The following UPF1 variants were observed in gnomAD, a reference collection of about 807,000 sequenced individuals.
UPF1 encodes regulator of nonsense transcripts 1.
UPF1 carries 9 observed loss-of-function variants against 129.2 expected under a neutral mutation model. That is an observed-to-expected ratio of 0.07 (90% CI 0.04 to 0.12). The LOEUF (loss-of-function observed/expected upper bound fraction) is 0.12, where lower values mean the gene tolerates loss of function less well. Among genes scored for constraint, UPF1 ranks in the 10% least tolerant of loss-of-function variants. The pLI is 1.00. For synonymous variants in UPF1, 649 were observed against 644.9 expected (o/e 1.01, Z -0.10); for missense variants, 788 against 1,525.3 (o/e 0.52, Z 8.05).
In UPF1 at chr19:18,851,065, C is replaced by A; in HGVS notation, c.810+197C>A. On this transcript the variant is annotated intron_variant, in intron 5 of 23. Transcript: ENST00000262803. This position sits in a 1 kb window ranked among gnomAD's most constrained non-coding sequence, Gnocchi z 4.2. ...TTCCATCCAGGCAGCCTTACCTGAC[C>A]GAGAAGATCCTGGCCTTGGGGAAAG... 3 of 542,594 alleles carry A rather than the reference C, an allele frequency of 5.5e-6. No individual in the cohort carries two copies. Among genetic ancestry groups the A allele is most frequent in the Non-Finnish European group, 9.0e-6 (3 of 333,542 alleles). 33.6% of individuals were successfully genotyped at this position (542,594 alleles called of 1,614,324 possible). A position where few individuals can be genotyped will look rare whatever the true frequency, so the allele number is the denominator to read the frequency against.
intron 18 of UPF1, 26 bp downstream of exon 18, chr19:18,862,178 G>C (rs755514229): frequency 6.2e-7 from 1 of 1,608,860 alleles, no homozygotes; most frequent in African/African-American, 1.3e-5. Flanking sequence ...GCTGCATGCT[G>C]CCCAGCCGCT....
At chr19:18,834,398 A>G (rs944746092) in intron 1 of UPF1, among the ~76,000 whole-genome samples, 1 of 152,176 alleles carries the variant, frequency 6.6e-6, no homozygotes, top group Admixed American at 6.6e-5. Flanking sequence ...TGTTTCTGGC[A>G]TTCCGTTTGG....
intron 1 of UPF1, among the ~76,000 whole-genome samples, chr19:18,835,549 G>T (rs571944400): frequency 6.6e-6 from 1 of 152,286 alleles, no homozygotes; most frequent in Non-Finnish European, 1.5e-5. Flanking sequence ...CACCATGTTG[G>T]CCAGATGGTC....
intron 2 of UPF1, among the ~76,000 whole-genome samples, chr19:18,847,252 G>A (rs1601105814): frequency 6.6e-6 from 1 of 152,204 alleles, no homozygotes; most frequent in African/African-American, 2.4e-5. Flanking sequence ...TTTGGTATGT[G>A]GATTTTCAGA....
intron 6 of UPF1, 94 bp downstream of exon 6, chr19:18,852,390 G>C: frequency 6.5e-7 from 1 of 1,546,822 alleles, no homozygotes; most frequent in Non-Finnish European, 8.7e-7. Flanking sequence ...TCCAGGCTGT[G>C]GGAGCTGATG....
intron 1 of UPF1, among the ~76,000 whole-genome samples, chr19:18,845,586 G>A: frequency 6.6e-6 from 1 of 152,160 alleles, no homozygotes; most frequent in East Asian, 1.9e-4. Context: ...CGTAGTGTTT[G>A]ATGAGCCTTA....
rs748049113 is a variant in UPF1, at chr19:18,846,111, C to T, written c.363C>T (p.His121=). Residue 121 remains histidine, a synonymous_variant, in exon 2 of 24, where the codon CAC becomes CAT. Transcript: ENST00000262803. The part of the protein sequence containing the change: ...DTYYTKDLPI[H]ACSYCGIHDP... ...ATTACACGAAGGACCTCCCCATACACGCCTGCAGGTGAGCTGAGCTCAGCT... is the reference window on the plus strand; with the variant it reads ...ATTACACGAAGGACCTCCCCATACATGCCTGCAGGTGAGCTGAGCTCAGCT... 6.3e-5 allele frequency: 102 copies of T among 1,613,900 alleles called. No individual in the cohort carries two copies. The highest frequency in any genetic ancestry group is 1.6e-4 in the Middle Eastern group (1 of 6,084).
intron 1 of UPF1, among the ~76,000 whole-genome samples, chr19:18,838,706 G>A (rs934808849): frequency 6.6e-6 from 1 of 151,976 alleles, no homozygotes; most frequent in African/African-American, 2.4e-5. Flanking sequence ...GGTAGCCCAG[G>A]TGTGGTTTTA....
intron 2 of UPF1, among the ~76,000 whole-genome samples, chr19:18,847,158 T>C (rs2055609518): frequency 1.3e-5 from 2 of 152,240 alleles, no homozygotes; most frequent in African/African-American, 4.8e-5. Context: ...TTTACAGATG[T>C]TTTCGTGTAT....
chr19:18,861,142 C>T (rs763110289), intron 17 of UPF1, among the ~76,000 whole-genome samples, 160 bp downstream of exon 17: 9 of 152,386 alleles, frequency 5.9e-5, no homozygotes, highest in Non-Finnish European at 1.0e-4. Context: ...ACAGACAGCA[C>T]ATCCCCACAG....
intron 6 of UPF1, 30 bp from the exon 7 acceptor site, chr19:18,852,957 A>G (rs772791301): frequency 7.5e-6 from 12 of 1,593,646 alleles, no homozygotes; most frequent in African/African-American, 1.3e-5. Flanking sequence ...GCTGGAGGCT[A>G]ACCGGGGCTC....
Position 18,866,286 on chromosome 19 carries a change from G to GGGGGT in UPF1, c.*3+121_*3+125dup, listed in dbSNP as rs1290362663. The GGGGGT allele has an allele frequency of 1.9e-5, 26 of 1,386,300 alleles. No individual in the cohort carries two copies. The East Asian group carries it at 2.1e-4, about 11-fold the overall frequency. 85.9% of individuals were successfully genotyped at this position (1,386,300 alleles called of 1,614,324 possible). A position where few individuals can be genotyped will look rare whatever the true frequency, so the allele number is the denominator to read the frequency against. On this transcript the variant is annotated intron_variant, in intron 23 of 23. Coordinates refer to ENST00000262803, the MANE Select transcript of UPF1 (RefSeq NM_002911.4). ...TCTGGAAATGTGTGCTGTGCCTGGT[G>GGGGGT]GGGGTCATAGGCCCTCAGGGCCAGC...
chr19:18,861,090 A>G, intron 17 of UPF1, 108 bp downstream of exon 17: 1 of 1,416,198 alleles, frequency 7.1e-7, no homozygotes, highest in East Asian at 2.5e-5. Context: ...GGAGCTCAGA[A>G]TGGCCCAGGA....
At chr19:18,849,930 C>T (rs2055639997) in intron 3 of UPF1, 145 bp from the exon 4 acceptor site, 1 of 989,716 alleles carries the variant, frequency 1.0e-6, no homozygotes, top group Admixed American at 2.5e-5. Flanking sequence ...GAGGGCTGGC[C>T]CCCAGAGATG....
chr19:18,866,561 G>T lies in UPF1; in HGVS notation c.*44G>T. The T allele has an allele frequency of 5.4e-6, 1 of 183,568 alleles. No individual in the cohort carries two copies. Among genetic ancestry groups the T allele is most frequent in the Non-Finnish European group, 1.1e-5 (1 of 89,046 alleles). The allele number at this position is 183,568 out of a possible 1,614,324, so 11.4% of individuals were successfully genotyped here. On this transcript the variant is annotated 3_prime_UTR_variant, in exon 24 of 24. Coordinates refer to ENST00000262803, the MANE Select transcript of UPF1 (RefSeq NM_002911.4). ...CTAAGCAACGTGGCTTAGTCCATCA[G>T]CATCTTATTCTGGGTAATAAAAAAT...
chr19:18,847,850 T>C lies in UPF1; in HGVS notation c.461+17T>C. Reference sequence around the variant, plus strand: ...TTCTGGCAGGTAGATAATCAGACCATGCATGTGTGTTTAATCAGTGCTGTG... The same window carrying C: ...TTCTGGCAGGTAGATAATCAGACCACGCATGTGTGTTTAATCAGTGCTGTG... On this transcript the variant is annotated intron_variant, in intron 3 of 23. Coordinates refer to ENST00000262803, the MANE Select transcript of UPF1 (RefSeq NM_002911.4). The C allele has an allele frequency of 6.2e-7, 1 of 1,611,712 alleles. No homozygotes were observed. Among genetic ancestry groups the C allele is most frequent in the Non-Finnish European group, 8.5e-7 (1 of 1,177,776 alleles).
At chr19:18,854,573 A>C (rs1216022000) in intron 8 of UPF1, 28 bp from the exon 9 acceptor site, 2 of 1,576,930 alleles carry the variant, frequency 1.3e-6, no homozygotes, top group African/African-American at 2.7e-5. Context: ...GGCTTTTGAC[A>C]AGGATGCAAA....
At position 18,850,831 on chromosome 19, in the gene UPF1, C is replaced by T. The variant is rs777433267; in HGVS notation, c.773C>T (p.Thr258Met). The T allele has an allele frequency of 8.7e-6, 14 of 1,604,024 alleles. No homozygotes were observed. Among genetic ancestry groups the T allele is most frequent in the South Asian group, 5.6e-5 (5 of 89,720 alleles). Residue 258 changes from threonine to methionine, a missense_variant, in exon 5 of 24, where the codon ACG becomes ATG. Physicochemically the swap from Thr to Met is moderately conservative, Grantham distance 81. This residue lies in a region of UPF1 where 227 missense variants were observed against 517.9 expected (regional missense o/e 0.44). Coordinates refer to ENST00000262803, the MANE Select transcript of UPF1 (RefSeq NM_002911.4). This position sits in a 1 kb window ranked among gnomAD's most constrained non-coding sequence, Gnocchi z 7.1. The stretch of plus-strand genomic sequence containing the variant: ...GAGCAGCTGCGGGCACGCCAGATCA[C>T]GGCACAGCAGATCAACAAGCTGGAG... ...EQEQLRARQITAQQINKLEEL... is the reference protein window; with the variant it reads ...EQEQLRARQIMAQQINKLEEL...
chr19:18,860,276 C>T (rs745652205), intron 15 of UPF1, 45 bp from the exon 16 acceptor site: 22 of 1,591,922 alleles, frequency 1.4e-5, no homozygotes, highest in Admixed American at 5.0e-5. Flanking sequence ...TCATTTGAGG[C>T]GGGCTAGGGC....
Sources: gnomAD v4.1 joint callset for allele counts (sites outside exome capture counted in the v4.1 genomes callset) on GRCh38, gnomAD v4.1.1 for gene constraint, gnomAD v4.1.1 regional missense constraint, Gnocchi (gnomAD v3.1) non-coding constraint, MANE v1.5 for transcripts, NCBI Gene and HGNC (gene_info 2026-07-23, HGNC 2026-07-21) for gene names.